The following GUCY2D variants were observed in gnomAD, a reference collection of about 807,000 sequenced individuals.
GUCY2D encodes the protein guanylate cyclase 2D, retinal.
GUCY2D carries 70 observed loss-of-function variants against 101.3 expected under a neutral mutation model. The ratio of observed to expected loss-of-function variants is 0.69; its 90% CI spans 0.57 to 0.84. The LOEUF is 0.84. GUCY2D is among the 40% of genes least tolerant of loss of function. The probability of loss-of-function intolerance (pLI) is 0.00; values close to 1 mark genes in which losing one functional copy is unlikely to be tolerated. For synonymous variants in GUCY2D, 688 were observed against 670.7 expected, an observed-to-expected ratio of 1.03 and a Z score of -0.40; for missense variants, 1,460 against 1,542.5, an observed-to-expected ratio of 0.95 and a Z score of 0.90.
rs553866555 is a variant in GUCY2D at position 8,007,044 on chromosome 17, G to A, written c.1379-16G>A. 6.2e-7 allele frequency: 1 copy of A among 1,607,266 alleles called. No individual in the cohort carries two copies. Among genetic ancestry groups the A allele is most frequent in the South Asian group, 1.1e-5 (1 of 90,948 alleles). ...GGCATCGCTCCTCAGTATACCTCCT[G>A]TCACTGTCCCTTCAGGACTGGAGCC... On this transcript the variant is annotated splice_polypyrimidine_tract_variant and intron_variant, in intron 4 of 19. Coordinates refer to ENST00000254854, the MANE Select transcript of GUCY2D (RefSeq NM_000180.4).
In GUCY2D at chr17:8,003,632, G is replaced by A; in HGVS notation, c.585G>A (p.Val195=). 1 of 1,593,222 alleles carries A rather than the reference G, an allele frequency of 6.3e-7. No homozygotes were observed. The highest frequency in any genetic ancestry group is 1.3e-5 in the African/African-American group (1 of 74,930). ...TCACCGCCCCCCAGGACCTGTGGGT[G>A]GAGGCGGGACGCTCACTGTCCACGG... ...ALVTAPQDLW[V]EAGRSLSTAL... The change falls in exon 2 of 20, where the codon GTG becomes GTA. Residue 195 remains valine, a synonymous_variant. Coordinates refer to ENST00000254854, the MANE Select transcript of GUCY2D (RefSeq NM_000180.4).
At chr17:8,012,682 A>C in intron 10 of GUCY2D, 76 bp downstream of exon 10, 1 of 1,164,420 alleles carries the variant, frequency 8.6e-7, no homozygotes, top group South Asian at 1.2e-5. Context: ...CTTCCTCCCT[A>C]CCTCTGCCCT....
intron 3 of GUCY2D, among the ~76,000 whole-genome samples, chr17:8,005,361 C>T (rs957902352): frequency 6.6e-6 from 1 of 152,164 alleles, no homozygotes; most frequent in African/African-American, 2.4e-5. Context: ...CTGTCATGCC[C>T]CTGTTCAAAG....
intron 3 of GUCY2D, among the ~76,000 whole-genome samples, chr17:8,005,458 C>T (rs1374102959): frequency 6.6e-6 from 1 of 152,200 alleles, no homozygotes; most frequent in Non-Finnish European, 1.5e-5. Flanking sequence ...TCTTCCACCT[C>T]CCATGAACTT....
Position 8,014,746 on chromosome 17 carries a change from T to C in GUCY2D, c.2558T>C (p.Leu853Pro). The C allele has an allele frequency of 6.2e-7, 1 of 1,600,024 alleles. No homozygotes were observed. The highest frequency in any genetic ancestry group is 8.5e-7 in the Non-Finnish European group (1 of 1,171,956). ...GAAAAGCAGAAGACAGACCGGCTGC[T>C]TACACAGATGCTGCCTCCGTGGGTG... ...ELEKQKTDRL[L>P]TQMLPPSVAE... Residue 853 changes from leucine (L) to proline (P), a missense_variant, in exon 13 of 20, where the codon CTT becomes CCT. This residue lies in a region of GUCY2D where 1,196 missense variants were observed against 1,229.6 expected (regional missense o/e 0.97). Coordinates refer to ENST00000254854, the MANE Select transcript of GUCY2D (RefSeq NM_000180.4). This position sits in a 1 kb window ranked among gnomAD's most constrained non-coding sequence, Gnocchi z 4.0.
At chr17:8,006,336 C>G (rs753750417) in intron 3 of GUCY2D, 27 bp from the exon 4 acceptor site, 18 of 1,567,724 alleles carry the variant, frequency 1.1e-5, no homozygotes, top group Non-Finnish European at 1.6e-5. Flanking sequence ...TGACCCCGAC[C>G]TCTGAGCCCC....
chr17:8,012,293 G>T lies in GUCY2D; in HGVS notation c.1899G>T (p.Gln633His), dbSNP rs1411356446. Residue 633 changes from glutamine (Q) to histidine (H), a missense_variant, in exon 9 of 20, where the codon CAG (glutamine) becomes CAT (histidine). Gln to His is a conservative substitution (Grantham distance 24). Coordinates refer to ENST00000254854, the MANE Select transcript of GUCY2D (RefSeq NM_000180.4). ...GCTCTCTTCAGGACCTCCTCGCTCAGAGAGAAATAAAGCTGGACTGGATGT... is the reference window on the plus strand; with the variant it reads ...GCTCTCTTCAGGACCTCCTCGCTCATAGAGAAATAAAGCTGGACTGGATGT... ...TRGSLQDLLAQREIKLDWMFK... is the reference protein window; with the variant it reads ...TRGSLQDLLAHREIKLDWMFK... 1 of 1,613,874 alleles carries T rather than the reference G, an allele frequency of 6.2e-7. No individual in the cohort carries two copies. Among genetic ancestry groups the T allele is most frequent in the Non-Finnish European group, 8.5e-7 (1 of 1,180,012 alleles).
rs1180472258 is a variant in GUCY2D, at chr17:8,014,965, A to G, written c.2683A>G (p.Met895Val). The change falls in exon 14 of 20, where the codon ATG (methionine) becomes GTG (valine). Residue 895 changes from methionine (M) to valine (V), a missense_variant. Physicochemically the swap from Met to Val is conservative, Grantham distance 21 (BLOSUM62 1). Coordinates refer to ENST00000254854, the MANE Select transcript of GUCY2D (RefSeq NM_000180.4). The surrounding 1 kb of genome is among the most constrained non-coding windows in gnomAD (Gnocchi z 4.0). ...DIVGFTTISA[M>V]SEPIEVVDLL... The stretch of plus-strand genomic sequence containing the variant: ...TGTGGGCTTCACCACCATCTCTGCC[A>G]TGAGTGAGCCCATTGAGGTTGTGGA... The G allele has an allele frequency of 2.5e-6, 4 of 1,613,924 alleles. No individual in the cohort carries two copies. Among genetic ancestry groups the G allele is most frequent in the Admixed American group, 3.3e-5 (2 of 60,004 alleles).
At chr17:8,010,042 C>T (rs1239623050) in intron 8 of GUCY2D, among the ~76,000 whole-genome samples, 2 of 151,878 alleles carry the variant, frequency 1.3e-5, no homozygotes, top group Non-Finnish European at 2.9e-5. Context: ...TATTCTCTGC[C>T]ACACCACTAG....
chr17:8,019,247 C>CGGAA (rs1976030133), intron 19 of GUCY2D, among the ~76,000 whole-genome samples: 1 of 152,132 alleles, frequency 6.6e-6, no homozygotes, highest in South Asian at 2.1e-4. Flanking sequence ...CAGCCCTTCC[C>CGGAA]CTTCCTTCCC....
intron 4 of GUCY2D, 152 bp from the exon 5 acceptor site, chr17:8,006,908 C>G: frequency 1.2e-6 from 1 of 807,010 alleles, no homozygotes; most frequent in Non-Finnish European, 2.1e-6. Flanking sequence ...CATTCCCAGC[C>G]TCTCCCCTTT....
intron 4 of GUCY2D, 97 bp downstream of exon 4, chr17:8,006,811 G>A (rs1975753771): frequency 1.6e-5 from 18 of 1,136,194 alleles, no homozygotes; most frequent in South Asian, 9.2e-5. Flanking sequence ...ATCCGTCTTC[G>A]ATGCCCTTCT....
chr17:8,019,852 C>A (rs1228250055), intron 19 of GUCY2D, among the ~76,000 whole-genome samples: 1 of 152,200 alleles, frequency 6.6e-6, no homozygotes. Flanking sequence ...TGGGCAACTC[C>A]CAGCGCATGA....
At chr17:8,006,219 G>C in intron 3 of GUCY2D, 144 bp from the exon 4 acceptor site, 1 of 711,734 alleles carries the variant, frequency 1.4e-6, no homozygotes, top group Admixed American at 2.0e-5. Flanking sequence ...GAGGGAGGAA[G>C]AGATAGCCAA....
At position 8,012,202 on chromosome 17, in the gene GUCY2D, G is replaced by T; in HGVS notation, c.1808G>T (p.Gly603Val). 1.2e-6 allele frequency: 2 copies of T among 1,614,138 alleles called. No homozygotes were observed. The highest frequency in any genetic ancestry group is 1.7e-6 in the Non-Finnish European group (2 of 1,179,998). The change falls in exon 9 of 20, where the codon GGA becomes GTA. Residue 603 changes from glycine to valine, a missense_variant. Physicochemically the swap from Gly to Val is moderately radical, Grantham distance 109. Around this residue, in one of 3 missense-constraint regions of GUCY2D, gnomAD observed 1,196 missense variants for 1,229.6 expected, o/e 0.97. Coordinates refer to ENST00000254854, the MANE Select transcript of GUCY2D (RefSeq NM_000180.4). ...ALYLGLFLAR[G>V]AEGPAALWEG... ...TACCTGGGGCTTTTCCTGGCTCGGGGAGCAGAAGGCCCTGCGGCCCTCTGG... is the reference window on the plus strand; with the variant it reads ...TACCTGGGGCTTTTCCTGGCTCGGGTAGCAGAAGGCCCTGCGGCCCTCTGG...
At position 8,003,301 on chromosome 17, in the gene GUCY2D, A is replaced by C; in HGVS notation, c.254A>C (p.Asn85Thr). Reference protein sequence around the residue: ...LAARLAAARLNRDPGLAGGPR... With the variant: ...LAARLAAARLTRDPGLAGGPR... The stretch of plus-strand genomic sequence containing the variant: ...GCCCGCCTGGCCGCCGCCCGCCTGA[A>C]CCGCGACCCCGGCCTGGCAGGCGGT... The change falls in exon 2 of 20, where the codon AAC (asparagine) becomes ACC (threonine). Residue 85 changes from asparagine (N) to threonine (T), a missense_variant. Transcript: ENST00000254854. The C allele has an allele frequency of 6.7e-7, 1 of 1,486,052 alleles. No individual in the cohort carries two copies. 92.1% of individuals were successfully genotyped at this position (1,486,052 alleles called of 1,614,324 possible).
rs761631031 is a variant in GUCY2D, at chr17:8,009,574, G to A, written c.1737G>A (p.Thr579=). 22 of 1,611,754 alleles carry A rather than the reference G, an allele frequency of 1.4e-5. No homozygotes were observed. The highest frequency in any genetic ancestry group is 1.6e-4 in the Middle Eastern group (1 of 6,074). Residue 579 remains threonine (T), a synonymous_variant, in exon 8 of 20, where the codon ACG becomes ACA. Transcript: ENST00000254854. Reference sequence around the variant, plus strand: ...TAGCTATCCGCCCAGCAACCAAGACGGCCTTCTCCAAGGTGAGACTTGGGC... The same window carrying A: ...TAGCTATCCGCCCAGCAACCAAGACAGCCTTCTCCAAGGTGAGACTTGGGC... ...QHIAIRPATK[T]AFSKLQELRH... is the part of the protein sequence containing the mutation.
chr17:8,013,748 T>C lies in GUCY2D; in HGVS notation c.2264-132T>C. 1.3e-6 allele frequency: 1 copy of C among 741,440 alleles called. No homozygotes were observed. Among genetic ancestry groups the C allele is most frequent in the South Asian group, 1.5e-5 (1 of 64,692 alleles). 45.9% of individuals were successfully genotyped at this position (741,440 alleles called of 1,614,324 possible). The stretch of plus-strand genomic sequence containing the variant: ...ATACTCTCCCTCCACACACACACAC[T>C]GAACCTCTGATGTAAAGAAACCCCT... On this transcript the variant is annotated intron_variant, in intron 11 of 19. Transcript: ENST00000254854. This position sits in a 1 kb window ranked among gnomAD's most constrained non-coding sequence, Gnocchi z 5.0.
In GUCY2D at chr17:8,006,415, G is replaced by A; in HGVS notation, c.1079G>A (p.Gly360Asp). The change falls in exon 4 of 20, where the codon GGC (glycine) becomes GAC (aspartate). Residue 360 changes from glycine to aspartate, a missense_variant. Transcript: ENST00000254854. ...GACGCGGTCTTCTTGCTGGCAAGGG[G>A]CGTGGCAGAAGCGCGGGCTGCCGCA... ...IYDAVFLLAR[G>D]VAEARAAAGG... The A allele has an allele frequency of 1.2e-6, 2 of 1,602,560 alleles. No homozygotes were observed. Among genetic ancestry groups the A allele is most frequent in the Non-Finnish European group, 1.7e-6 (2 of 1,179,964 alleles).
Sources: allele counts gnomAD v4.1 joint callset (sites outside exome capture counted in the v4.1 genomes callset), GRCh38; gene constraint gnomAD v4.1.1; regional missense constraint gnomAD v4.1.1; non-coding constraint Gnocchi (gnomAD v3.1); transcripts MANE v1.5; gene names NCBI Gene and HGNC (gene_info 2026-07-23, HGNC 2026-07-21).